The following GPRC5B variants were observed in gnomAD, a reference collection of about 807,000 sequenced individuals.
The protein encoded by GPRC5B is G protein-coupled receptor class C group 5 member B, also known as G protein-coupled receptor family C group 5 member B.
In GPRC5B, 16 loss-of-function variants were observed where a neutral mutation model predicts 30.1. The observed-to-expected ratio is 0.53, with a 90% CI of 0.36 to 0.81. The LOEUF (loss-of-function observed/expected upper bound fraction) is 0.81. GPRC5B is among the 30% of genes least tolerant of loss of function. The pLI is 0.01. For missense variants in GPRC5B, 428 were observed against 544.7 expected, an observed-to-expected ratio of 0.79 and a Z score of 2.13; for synonymous variants, 241 against 239.5, an observed-to-expected ratio of 1.01 and a Z score of -0.06.
Position 19,884,780 on chromosome 16 carries a change from A to T in GPRC5B, c.-55T>A. On this transcript the variant is annotated 5_prime_UTR_variant, in exon 1 of 4. It removes the in-frame stop codon of an upstream open reading frame in the 5' UTR. Coordinates refer to ENST00000300571, the MANE Select transcript of GPRC5B (RefSeq NM_016235.3). ...CTCCAGCTGGCCTTCGGCCCGAGTCACATCTCTGCGGCGCGGCCGCGGCCC... is the reference window on the plus strand; with the variant it reads ...CTCCAGCTGGCCTTCGGCCCGAGTCTCATCTCTGCGGCGCGGCCGCGGCCC... The T allele has an allele frequency of 6.1e-6, 6 of 984,272 alleles. No homozygotes were observed. Among genetic ancestry groups the T allele is most frequent in the Non-Finnish European group, 6.0e-6 (5 of 829,464 alleles). The allele number at this position is 984,272 out of a possible 1,614,324, so 61.0% of individuals were successfully genotyped here. A position where few individuals can be genotyped will look rare whatever the true frequency, so the allele number is the denominator to read the frequency against.
rs199692459 is a variant in GPRC5B, at chr16:19,861,900, G to A, written c.1104C>T (p.Ser368=). The A allele has an allele frequency of 6.5e-5, 105 of 1,613,016 alleles. No homozygotes were observed. The highest frequency in any genetic ancestry group is 2.5e-4 in the South Asian group (23 of 91,052). Residue 368 remains serine, a synonymous_variant, in exon 3 of 4, where the codon AGC becomes AGT. Transcript: ENST00000300571. ...GATACACGTTGCTTCTAAACGGAGC[G>A]CTGGGTCTTTTCCCCAAGCTGCCAC... ...RPSGSLGKRP[S]APFRSNVYQP...
chr16:19,885,279 T>C, upstream of GPRC5B: 1 of 1,280,810 alleles, frequency 7.8e-7, no homozygotes, highest in South Asian at 1.2e-5. The surrounding 1 kb of genome is among the most constrained non-coding windows in gnomAD (Gnocchi z 5.3). Flanking sequence ...GGGGGGTTCA[T>C]AAGCAGTAAC....
At chr16:19,876,255 CG>C (rs2056758434) in intron 1 of GPRC5B, among the ~76,000 whole-genome samples, 1 of 152,190 alleles carries the variant, frequency 6.6e-6, no homozygotes, top group East Asian at 1.9e-4. Flanking sequence ...GAGACATTTT[CG>C]GTTGTCACAA....
intron 2 of GPRC5B, among the ~76,000 whole-genome samples, chr16:19,870,211 C>T (rs2056704277): frequency 6.6e-6 from 1 of 152,178 alleles, no homozygotes; most frequent in South Asian, 2.1e-4. Flanking sequence ...CACAAATGAG[C>T]CCCTGTTGCC....
rs1345724637 is a variant in GPRC5B, at chr16:19,858,329, A to G, written c.*2171T>C. On this transcript the variant is annotated 3_prime_UTR_variant, in exon 4 of 4. Transcript: ENST00000300571. ...TAACATATCAGATTTAAAAGGGGGGAAAAAGGTCTCATTAAATGAGGCTTC... is the reference window on the plus strand; with the variant it reads ...TAACATATCAGATTTAAAAGGGGGGGAAAAGGTCTCATTAAATGAGGCTTC... 16 of 429,830 alleles carry G rather than the reference A, an allele frequency of 3.7e-5. No individual in the cohort carries two copies. The highest frequency in any genetic ancestry group is 6.1e-4 in the Middle Eastern group (2 of 3,304). 26.6% of individuals were successfully genotyped at this position (429,830 alleles called of 1,614,324 possible).
In GPRC5B at chr16:19,875,991, C is replaced by T. The variant is rs180841327; in HGVS notation, c.-1-3145G>A. Among the ~76,000 whole-genome samples, 9 of 152,300 alleles carry T rather than the reference C, an allele frequency of 5.9e-5. No homozygotes were observed. In the East Asian group the frequency reaches 1.7e-3, roughly 29 times the overall value. On this transcript the variant is annotated intron_variant, in intron 1 of 3. Transcript: ENST00000300571. ...ACAGTCCCCGACCCAGTGGAGGGGC[C>T]CTGGAATGGATTCCCCTGAGACATC...
chr16:19,863,438 A>G (rs1231097181), intron 2 of GPRC5B, among the ~76,000 whole-genome samples: 1 of 150,164 alleles, frequency 6.7e-6, no homozygotes, highest in Admixed American at 6.6e-5. Flanking sequence ...CCAAGGTCAC[A>G]CAGCTGGTAA....
At chr16:19,881,924 T>C (rs564248296) in intron 1 of GPRC5B, among the ~76,000 whole-genome samples, 3 of 152,310 alleles carry the variant, frequency 2.0e-5, no homozygotes. Flanking sequence ...CCTCAAGGCG[T>C]TTCTGCTGCA....
chr16:19,867,353 A>G (rs1275362633), intron 2 of GPRC5B, among the ~76,000 whole-genome samples: 1 of 152,208 alleles, frequency 6.6e-6, no homozygotes, highest in African/African-American at 2.4e-5. Context: ...CAAACTGCTT[A>G]GCCTCTCTGT....
chr16:19,884,947 GC>G, upstream of GPRC5B: 1 of 853,492 alleles, frequency 1.2e-6, no homozygotes, highest in Non-Finnish European at 1.4e-6. Context: ...GGCCGGCCCC[GC>G]CCCCGGGCCT....
In GPRC5B at chr16:19,859,709, GGAA is replaced by G. The variant is rs1567206014; in HGVS notation, c.*788_*790del. ...GTAGGAACAGGGCGAGATGATCAAG[GGAA>G]GAAGGGACTGCTGCCCCAAGCCAGA... On this transcript the variant is annotated 3_prime_UTR_variant, in exon 4 of 4. Transcript: ENST00000300571. 2 of 152,644 alleles carry G rather than the reference GGAA, an allele frequency of 1.3e-5. No individual in the cohort carries two copies. Among genetic ancestry groups the G allele is most frequent in the Non-Finnish European group, 2.9e-5 (2 of 68,170 alleles). 9.5% of individuals were successfully genotyped at this position (152,644 alleles called of 1,614,324 possible). A position where few individuals can be genotyped will look rare whatever the true frequency, so the allele number is the denominator to read the frequency against.
intron 1 of GPRC5B, among the ~76,000 whole-genome samples, chr16:19,881,854 G>C (rs2056809348): frequency 6.6e-6 from 1 of 152,230 alleles, no homozygotes; most frequent in African/African-American, 2.4e-5. Flanking sequence ...AAATTGGCCA[G>C]AGGTTCACTG....
At chr16:19,867,475 G>C (rs960524726) in intron 2 of GPRC5B, among the ~76,000 whole-genome samples, 1 of 152,218 alleles carries the variant, frequency 6.6e-6, no homozygotes, top group Non-Finnish European at 1.5e-5. Flanking sequence ...GCCCCCAACA[G>C]AGGTTAGTTA....
chr16:19,881,830 C>A lies in GPRC5B; in HGVS notation c.-2+2897G>T, dbSNP rs555031012. Among the ~76,000 whole-genome samples, 5 of 152,332 alleles carry A rather than the reference C, an allele frequency of 3.3e-5. No individual in the cohort carries two copies. The South Asian group carries it at 1.0e-3, about 32-fold the overall frequency. On this transcript the variant is annotated intron_variant, in intron 1 of 3. Coordinates refer to ENST00000300571, the MANE Select transcript of GPRC5B (RefSeq NM_016235.3). ...CATTTTCCTGTTGCGAAAATGAAGG[C>A]AGAGACGTCAGGAAAATTGGCCAGA...
chr16:19,867,132 T>C (rs2056674086), intron 2 of GPRC5B, among the ~76,000 whole-genome samples: 1 of 152,242 alleles, frequency 6.6e-6, no homozygotes, highest in African/African-American at 2.4e-5. Context: ...ACGGGTCTTA[T>C]AGTCCTCATC....
chr16:19,885,242 C>G (rs189416028), upstream of GPRC5B: 139 of 1,288,312 alleles, frequency 1.1e-4, no homozygotes, highest in Non-Finnish European at 1.3e-4. This position sits in a 1 kb window ranked among gnomAD's most constrained non-coding sequence, Gnocchi z 5.3. Context: ...AGCGCGGAAG[C>G]CTTCCTGCCC....
At chr16:19,884,885 G>A (rs1312690473), upstream of GPRC5B, 2 of 979,164 alleles carry the variant, frequency 2.0e-6, no homozygotes, top group Admixed American at 6.3e-5. Context: ...GCGCCCCCTG[G>A]CCCGGCCCGC....
chr16:19,872,577 T>C lies in GPRC5B; in HGVS notation c.269A>G (p.Lys90Arg). The change falls in exon 2 of 4, where the codon AAG (lysine) becomes AGG (arginine). Residue 90 changes from lysine (K) to arginine (R), a missense_variant. Lys to Arg is a conservative substitution (Grantham distance 26, BLOSUM62 2). Transcript: ENST00000300571. This position sits in a 1 kb window ranked among gnomAD's most constrained non-coding sequence, Gnocchi z 5.0. ...CAGAAAGTGGAGGCCCACAGGGCTC[T>C]TCTTCTCCTTCTCCTTGATGAAGGG... is the stretch of plus-strand genomic sequence containing the variant. ...RLPFIKEKEK[K>R]SPVGLHFLFL... The C allele has an allele frequency of 6.2e-7, 1 of 1,613,984 alleles. No homozygotes were observed. The highest frequency in any genetic ancestry group is 1.1e-5 in the South Asian group (1 of 91,082).
In GPRC5B at chr16:19,857,401, C is replaced by T. The variant is rs1160487401; in HGVS notation, c.*3099G>A. The T allele has an allele frequency of 2.1e-5, 9 of 429,014 alleles. No individual in the cohort carries two copies. Among genetic ancestry groups the T allele is most frequent in the Non-Finnish European group, 4.1e-5 (9 of 220,178 alleles). The allele number at this position is 429,014 out of a possible 1,614,324, so 26.6% of individuals were successfully genotyped here. Reference sequence around the variant, plus strand: ...TTTAAATTTGTAATATTTATATAGTCGTTTATGGTACATATTGATTGTCTT... The same window carrying T: ...TTTAAATTTGTAATATTTATATAGTTGTTTATGGTACATATTGATTGTCTT... On this transcript the variant is annotated 3_prime_UTR_variant, in exon 4 of 4. Transcript: ENST00000300571.
Sources: gnomAD v4.1 joint callset for allele counts (sites outside exome capture counted in the v4.1 genomes callset) on GRCh38, gnomAD v4.1.1 for gene constraint, Gnocchi (gnomAD v3.1) non-coding constraint, MANE v1.5 for transcripts, NCBI Gene and HGNC (gene_info 2026-07-23, HGNC 2026-07-21) for gene names.